MAPK10: variants seen among roughly 807,000 people sequenced by gnomAD.
MAPK10 encodes the protein mitogen-activated protein kinase 10.
Under a neutral mutation model 59.3 loss-of-function variants are expected in MAPK10, and 25 were observed. The ratio of observed to expected loss-of-function variants is 0.42; its 90% CI spans 0.31 to 0.59. MAPK10 has a LOEUF of 0.59. Among genes scored for constraint, MAPK10 ranks in the 20% least tolerant of loss-of-function variants. MAPK10 has a pLI of 0.15. For missense variants in MAPK10, 351 were observed against 568.9 expected (o/e 0.62, Z 3.90); for synonymous variants, 190 against 200.5 (o/e 0.95, Z 0.44).
chr4:86,589,753 T>G (rs1357275116), intron 1 of MAPK10, among the ~76,000 whole-genome samples: 1 of 151,202 alleles, frequency 6.6e-6, no homozygotes, highest in Non-Finnish European at 1.5e-5. Context: ...AACCTACAGA[T>G]GTACACCACA....
At chr4:86,114,099 A>G (rs1220705273) in intron 4 of MAPK10, among the ~76,000 whole-genome samples, 1 of 151,786 alleles carries the variant, frequency 6.6e-6, no homozygotes, top group Admixed American at 6.5e-5. Context: ...TGGTTATTCT[A>G]GTTAACAGCT....
rs183207813 is a variant in MAPK10 at position 86,392,781 on chromosome 4, G to A, written c.-121-38137C>T. Among the ~76,000 whole-genome samples, 44 of 152,352 alleles carry A rather than the reference G, an allele frequency of 2.9e-4. 2 individuals are homozygous for A. The highest frequency in any genetic ancestry group is 2.0e-3 in the Admixed American group (30 of 15,312). The stretch of plus-strand genomic sequence containing the variant: ...CCAAGATGGCTTGGAAAAGGAGAGG[G>A]ATAAGGAGGAAGTGGCTGGTGACTG... On this transcript the variant is annotated intron_variant, in intron 1 of 13. Coordinates refer to the MAPK10 transcript ENST00000361569.
intron 2 of MAPK10, among the ~76,000 whole-genome samples, chr4:86,257,883 A>T (rs1430763740): frequency 6.6e-6 from 1 of 152,108 alleles, no homozygotes; most frequent in Non-Finnish European, 1.5e-5. Context: ...TGTCATTCTG[A>T]ATATACTCTT....
chr4:86,256,727 TTTC>T (rs1205176679), intron 2 of MAPK10, among the ~76,000 whole-genome samples: 13 of 111,852 alleles, frequency 1.2e-4, no homozygotes, highest in African/African-American at 4.7e-4. Flanking sequence ...TTTTCTTTTC[TTTC>T]TTTCTTTTTT....
At chr4:86,319,748 G>T (rs919299419) in intron 2 of MAPK10, among the ~76,000 whole-genome samples, 1 of 152,122 alleles carries the variant, frequency 6.6e-6, no homozygotes, top group African/African-American at 2.4e-5. Context: ...TGTCCCCAGG[G>T]GCAATCTTCA....
intron 1 of MAPK10, among the ~76,000 whole-genome samples, chr4:86,547,364 G>T (rs1184131098): frequency 6.6e-6 from 1 of 152,242 alleles, no homozygotes; most frequent in Non-Finnish European, 1.5e-5. Flanking sequence ...TTCCGGGTGG[G>T]CGTGGGCTCT....
At chr4:86,367,310 A>G (rs1738055199) in intron 1 of MAPK10, among the ~76,000 whole-genome samples, 1 of 152,172 alleles carries the variant, frequency 6.6e-6, no homozygotes, top group South Asian at 2.1e-4. Flanking sequence ...CATGTTCACT[A>G]TGATTTCACA....
intron 1 of MAPK10, among the ~76,000 whole-genome samples, chr4:86,562,070 G>A (rs1169297281): frequency 6.6e-6 from 1 of 152,136 alleles, no homozygotes; most frequent in East Asian, 1.9e-4. Flanking sequence ...AAGTTCAAGA[G>A]TTGGGCCAGG....
At chr4:86,070,492 T>G (rs1459596086) in intron 9 of MAPK10, among the ~76,000 whole-genome samples, 7 of 151,238 alleles carry the variant, frequency 4.6e-5, no homozygotes, top group African/African-American at 1.5e-4. Context: ...CTGCACCCAC[T>G]AACTCGTCAT....
intron 2 of MAPK10, among the ~76,000 whole-genome samples, chr4:86,308,228 C>T (rs2095605608): frequency 6.6e-6 from 1 of 152,020 alleles, no homozygotes; most frequent in Non-Finnish European, 1.5e-5. Flanking sequence ...TGCTGAGACT[C>T]CTCTATTTGT....
In MAPK10 at chr4:86,477,046, G is replaced by A. The variant is rs942222972; in HGVS notation, c.-263+116864C>T. Reference sequence around the variant, plus strand: ...GACTGACTCCTTCCCAGATCCTCTCGGCTTAGCAGCTGAAGACTGACACTG... The same window carrying A: ...GACTGACTCCTTCCCAGATCCTCTCAGCTTAGCAGCTGAAGACTGACACTG... On this transcript the variant is annotated intron_variant, in intron 1 of 4. Transcript: ENST00000502302. Among the ~76,000 whole-genome samples, 7 of 152,224 alleles carry A rather than the reference G, an allele frequency of 4.6e-5. No homozygotes were observed. The East Asian group carries it at 5.8e-4, about 13-fold the overall frequency.
intron 3 of MAPK10, among the ~76,000 whole-genome samples, chr4:86,180,504 G>GA (rs1312257515): frequency 8.3e-6 from 1 of 120,664 alleles, no homozygotes; most frequent in East Asian, 2.0e-4. Context: ...AAAAAAAAAA[G>GA]AAGAAGAAAA....
intron 2 of MAPK10, among the ~76,000 whole-genome samples, chr4:86,337,919 T>C (rs1186555175): frequency 6.6e-6 from 1 of 152,214 alleles, no homozygotes; most frequent in African/African-American, 2.4e-5. Context: ...ATTGCTCAAA[T>C]TCCAATTTCC....
intron 2 of MAPK10, chr4:86,327,428 T>C (rs886458600): frequency 3.9e-5 from 6 of 152,020 alleles, no homozygotes; most frequent in African/African-American, 1.4e-4. Context: ...TTTTAAAAAA[T>C]ATGAATTTTT....
rs1741480880 is a variant in MAPK10 at position 86,011,944 on chromosome 4, T to C, written c.*5284A>G. 6.6e-6 allele frequency: 1 copy of C among 152,212 alleles called. No homozygotes were observed. The allele number at this position is 152,212 out of a possible 1,614,324, so 9.4% of individuals were successfully genotyped here. A position where few individuals can be genotyped will look rare whatever the true frequency, so the allele number is the denominator to read the frequency against. ...ACCTCTTCATCCAGCCACAAAATCA[T>C]ATATATTTTTAATTCTCCAAGGAGT... is the stretch of plus-strand genomic sequence containing the variant. On this transcript the variant is annotated 3_prime_UTR_variant, in exon 14 of 14. Transcript: ENST00000641462.
intron 2 of MAPK10, among the ~76,000 whole-genome samples, chr4:86,203,669 T>C (rs1005279704): frequency 6.6e-6 from 1 of 150,580 alleles, no homozygotes; most frequent in East Asian, 2.0e-4. Flanking sequence ...ATATGTATGA[T>C]ACAAGAACAC....
At chr4:86,071,486 G>A (rs577928783) in intron 9 of MAPK10, among the ~76,000 whole-genome samples, 2 of 144,364 alleles carry the variant, frequency 1.4e-5, no homozygotes, top group Admixed American at 6.8e-5. Flanking sequence ...GTCCTGAATG[G>A]TAATGCCTAG....
intron 2 of MAPK10, among the ~76,000 whole-genome samples, chr4:86,235,890 A>G (rs114091611): frequency 0.022 from 3,358 of 152,306 alleles, 121 homozygotes; most frequent in African/African-American, 0.077. Flanking sequence ...GCTTCAAACA[A>G]TATAAATGGA....
intron 13 of MAPK10, among the ~76,000 whole-genome samples, chr4:86,025,935 A>C (rs1430584365): frequency 6.6e-6 from 1 of 152,222 alleles, no homozygotes; most frequent in African/African-American, 2.4e-5. Context: ...AGAATGAAAA[A>C]ATAGTGTCTT....
Sources: gnomAD v4.1 joint callset for allele counts (sites outside exome capture counted in the v4.1 genomes callset) on GRCh38, gnomAD v4.1.1 for gene constraint, MANE v1.5 for transcripts, NCBI Gene and HGNC (gene_info 2026-07-23, HGNC 2026-07-21) for gene names.